Variants in OR5D18 observed in about 807,000 individuals in gnomAD.
OR5D18 encodes olfactory receptor 5D18.
For synonymous variants in OR5D18, 158 were observed against 152.5 expected (o/e 1.04, Z -0.27); for missense variants, 394 against 367.3 (o/e 1.07, Z -0.59).
chr11:55,820,539 G>T lies in OR5D18; in HGVS notation c.910G>T (p.Glu304Ter). The T allele has an allele frequency of 6.2e-7, 1 of 1,610,086 alleles. No homozygotes were observed. Reference protein sequence around the residue: ...RNKDVKDTVTEILDTKVFSY With the variant: ...RNKDVKDTVT ...TAAAGATGTCAAGGATACAGTCACCGAGATACTGGACACCAAAGTCTTCTC... is the reference window on the plus strand; with the variant it reads ...TAAAGATGTCAAGGATACAGTCACCTAGATACTGGACACCAAAGTCTTCTC... Residue 304 changes from glutamate to a stop codon, truncating the protein, a stop_gained, in exon 1 of 1, where the codon GAG (glutamate) becomes TAG (stop). Transcript: ENST00000333976. LOFTEE classifies it low-confidence loss of function (END_TRUNC).
In OR5D18 at chr11:55,819,748, T is replaced by G; in HGVS notation, c.119T>G (p.Val40Gly). 2 of 1,613,748 alleles carry G rather than the reference T, an allele frequency of 1.2e-6. No homozygotes were observed. The highest frequency in any genetic ancestry group is 1.7e-6 in the Non-Finnish European group (2 of 1,179,812). Reference protein sequence around the residue: ...LVFLAIYNVTVLGNIGLIVII... With the variant: ...LVFLAIYNVTGLGNIGLIVII... ...TTTCTGGCCATCTACAATGTCACTG[T>G]GCTAGGGAATATTGGGTTGATTGTG... Residue 40 changes from valine to glycine, a missense_variant, in exon 1 of 1, where the codon GTG becomes GGG. By Grantham distance (109) the Val-to-Gly change is moderately radical. Transcript: ENST00000333976.
rs779733558 is a variant in OR5D18, at chr11:55,819,776, C to T, written c.147C>T (p.Ile49=). Residue 49 remains isoleucine (I), a synonymous_variant, in exon 1 of 1, where the codon ATC becomes ATT. Transcript: ENST00000333976. ...TVLGNIGLIV[I]IKINPKLHTP... is the part of the protein sequence containing the mutation. ...TAGGGAATATTGGGTTGATTGTGAT[C>T]ATCAAAATCAACCCCAAACTGCATA... is the stretch of plus-strand genomic sequence containing the variant. 16 of 1,613,372 alleles carry T rather than the reference C, an allele frequency of 9.9e-6. No individual in the cohort carries two copies. In the East Asian group the frequency reaches 3.6e-4, roughly 36 times the overall value.
Position 55,820,394 on chromosome 11 carries a change from C to T in OR5D18, c.765C>T (p.Thr255=). 1 of 1,613,936 alleles carries T rather than the reference C, an allele frequency of 6.2e-7. No individual in the cohort carries two copies. Among genetic ancestry groups the T allele is most frequent in the Non-Finnish European group, 8.5e-7 (1 of 1,180,026 alleles). ...HLTAITIFHG[T]ILFLYCVPNS... ...CTGCCATCACCATCTTCCATGGCAC[C>T]ATCCTCTTCCTTTACTGTGTGCCCA... is the stretch of plus-strand genomic sequence containing the variant. Residue 255 remains threonine (T), a synonymous_variant, in exon 1 of 1, where the codon ACC becomes ACT. Coordinates refer to ENST00000333976, the MANE Select transcript of OR5D18 (RefSeq NM_001001952.1).
In OR5D18 at chr11:55,819,692, C is replaced by A. The variant is rs1370840080; in HGVS notation, c.63C>A (p.Tyr21Ter). 6.8e-6 allele frequency: 11 copies of A among 1,613,368 alleles called. No individual in the cohort carries two copies. The highest frequency in any genetic ancestry group is 9.3e-6 in the Non-Finnish European group (11 of 1,179,668). ...TTFTLLGFSDYPELQVPLFLV... is the reference protein window; with the variant it reads ...TTFTLLGFSD Reference sequence around the variant, plus strand: ...TCACCCTCTTGGGCTTCTCAGATTACCCAGAACTGCAAGTCCCACTCTTCC... The same window carrying A: ...TCACCCTCTTGGGCTTCTCAGATTAACCAGAACTGCAAGTCCCACTCTTCC... Residue 21 changes from tyrosine (Y) to a stop codon, truncating the protein, a stop_gained, in exon 1 of 1, where the codon TAC (tyrosine) becomes TAA (stop). Transcript: ENST00000333976. LOFTEE classifies it low-confidence loss of function (END_TRUNC).
Position 55,819,705 on chromosome 11 carries a change from G to A in OR5D18, c.76G>A (p.Val26Ile). 6.2e-7 allele frequency: 1 copy of A among 1,613,754 alleles called. No homozygotes were observed. The highest frequency in any genetic ancestry group is 8.5e-7 in the Non-Finnish European group (1 of 1,179,878). Reference sequence around the variant, plus strand: ...CTTCTCAGATTACCCAGAACTGCAAGTCCCACTCTTCCTGGTTTTTCTGGC... The same window carrying A: ...CTTCTCAGATTACCCAGAACTGCAAATCCCACTCTTCCTGGTTTTTCTGGC... ...LGFSDYPELQVPLFLVFLAIY... is the reference protein window; with the variant it reads ...LGFSDYPELQIPLFLVFLAIY... Residue 26 changes from valine (V) to isoleucine (I), a missense_variant, in exon 1 of 1, where the codon GTC (valine) becomes ATC (isoleucine). Transcript: ENST00000333976.
rs116682108 is a variant in OR5D18 at position 55,820,286 on chromosome 11, T to C, written c.657T>C (p.Tyr219=). Residue 219 remains tyrosine, a synonymous_variant, in exon 1 of 1, where the codon TAT becomes TAC. Coordinates refer to ENST00000333976, the MANE Select transcript of OR5D18 (RefSeq NM_001001952.1). ...ISTLLIVLTS[Y]AFIVVTILKM... is the part of the protein sequence containing the mutation. ...CACTACTCATCGTTCTCACATCTTA[T>C]GCGTTCATTGTTGTAACCATCCTCA... 4.8e-4 allele frequency: 767 copies of C among 1,613,980 alleles called. 4 individuals are homozygous for C. The African/African-American group carries it at 9.3e-3, about 20-fold the overall frequency.
In OR5D18 at chr11:55,820,250, T is replaced by C. The variant is rs764990296; in HGVS notation, c.621T>C (p.Asn207=). The part of the protein sequence containing the change: ...QWLLFFLATF[N]EISTLLIVLT... ...TGCTATTCTTTCTTGCCACCTTTAA[T>C]GAAATCAGCACACTACTCATCGTTC... The change falls in exon 1 of 1, where the codon AAT becomes AAC. Residue 207 remains asparagine, a synonymous_variant. Transcript: ENST00000333976. 1 of 1,614,056 alleles carries C rather than the reference T, an allele frequency of 6.2e-7. No individual in the cohort carries two copies. The highest frequency in any genetic ancestry group is 1.1e-5 in the South Asian group (1 of 91,082).
chr11:55,820,393 C>T lies in OR5D18; in HGVS notation c.764C>T (p.Thr255Ile). Reference protein sequence around the residue: ...HLTAITIFHGTILFLYCVPNS... With the variant: ...HLTAITIFHGIILFLYCVPNS... ...ACTGCCATCACCATCTTCCATGGCA[C>T]CATCCTCTTCCTTTACTGTGTGCCC... Residue 255 changes from threonine to isoleucine, a missense_variant, in exon 1 of 1, where the codon ACC (threonine) becomes ATC (isoleucine). Coordinates refer to ENST00000333976, the MANE Select transcript of OR5D18 (RefSeq NM_001001952.1). 3.1e-6 allele frequency: 5 copies of T among 1,614,018 alleles called. No homozygotes were observed. Among genetic ancestry groups the T allele is most frequent in the Non-Finnish European group, 4.2e-6 (5 of 1,180,042 alleles).
chr11:55,820,015 AC>A lies in OR5D18; in HGVS notation c.389del (p.Pro130LeufsTer31), dbSNP rs773424286. ...MAYDRFVAIC[N>X]PLLYTVNMSQ... ...TATGACCGCTTCGTGGCCATTTGCA[AC>A]CCTCTGCTCTACACAGTTAACATGT... On this transcript the variant is annotated frameshift_variant, in exon 1 of 1. Coordinates refer to ENST00000333976, the MANE Select transcript of OR5D18 (RefSeq NM_001001952.1). LOFTEE classifies it low-confidence loss of function (END_TRUNC). The A allele has an allele frequency of 6.2e-7, 1 of 1,613,382 alleles. No homozygotes were observed. Among genetic ancestry groups the A allele is most frequent in the South Asian group, 1.1e-5 (1 of 91,024 alleles).
In OR5D18 at chr11:55,820,116, T is replaced by C. The variant is rs1853814784; in HGVS notation, c.487T>C (p.Ser163Pro). ...GVSCSLELTC[S>P]ALKLCFHGFN... ...CTCATGTTCCTTGGAACTGACGTGC[T>C]CTGCTTTAAAGTTATGTTTTCATGG... Residue 163 changes from serine to proline, a missense_variant, in exon 1 of 1, where the codon TCT becomes CCT. Coordinates refer to ENST00000333976, the MANE Select transcript of OR5D18 (RefSeq NM_001001952.1). 1.9e-6 allele frequency: 3 copies of C among 1,613,950 alleles called. No individual in the cohort carries two copies. Among genetic ancestry groups the C allele is most frequent in the Non-Finnish European group, 2.5e-6 (3 of 1,180,014 alleles).
At position 55,819,746 on chromosome 11, in the gene OR5D18, T is replaced by G. The variant is rs753709618; in HGVS notation, c.117T>G (p.Thr39=). ...FLVFLAIYNV[T]VLGNIGLIVI... is the part of the protein sequence containing the mutation. ...TTTTTCTGGCCATCTACAATGTCAC[T>G]GTGCTAGGGAATATTGGGTTGATTG... is the stretch of plus-strand genomic sequence containing the variant. Residue 39 remains threonine, a synonymous_variant, in exon 1 of 1, where the codon ACT becomes ACG. Coordinates refer to ENST00000333976, the MANE Select transcript of OR5D18 (RefSeq NM_001001952.1). 1.2e-6 allele frequency: 2 copies of G among 1,613,678 alleles called. No homozygotes were observed.
rs377604728 is a variant in OR5D18 at position 55,819,720 on chromosome 11, G to C, written c.91G>C (p.Val31Leu). The C allele has an allele frequency of 1.9e-6, 3 of 1,613,804 alleles. No homozygotes were observed. Among genetic ancestry groups the C allele is most frequent in the South Asian group, 1.1e-5 (1 of 91,074 alleles). Residue 31 changes from valine (V) to leucine (L), a missense_variant, in exon 1 of 1, where the codon GTT becomes CTT. By Grantham distance (32) the Val-to-Leu change is conservative (BLOSUM62 1). Transcript: ENST00000333976. ...YPELQVPLFL[V>L]FLAIYNVTVL... The stretch of plus-strand genomic sequence containing the variant: ...AGAACTGCAAGTCCCACTCTTCCTG[G>C]TTTTTCTGGCCATCTACAATGTCAC...
At position 55,820,324 on chromosome 11, in the gene OR5D18, T is replaced by C; in HGVS notation, c.695T>C (p.Val232Ala). The C allele has an allele frequency of 6.2e-7, 1 of 1,613,970 alleles. No homozygotes were observed. The highest frequency in any genetic ancestry group is 8.5e-7 in the Non-Finnish European group (1 of 1,180,030). ...GTAACCATCCTCAAGATGCGTTCAGTCAGTGGGCGCCGCAAAGCCTTCTCC... is the reference window on the plus strand; with the variant it reads ...GTAACCATCCTCAAGATGCGTTCAGCCAGTGGGCGCCGCAAAGCCTTCTCC... ...IVVTILKMRS[V>A]SGRRKAFSTC... The change falls in exon 1 of 1, where the codon GTC (valine) becomes GCC (alanine). Residue 232 changes from valine (V) to alanine (A), a missense_variant. Coordinates refer to ENST00000333976, the MANE Select transcript of OR5D18 (RefSeq NM_001001952.1).
rs1853815244 is a variant in OR5D18 at position 55,820,149 on chromosome 11, A to G, written c.520A>G (p.Thr174Ala). Residue 174 changes from threonine (T) to alanine (A), a missense_variant, in exon 1 of 1, where the codon ACA becomes GCA. Transcript: ENST00000333976. Reference protein sequence around the residue: ...ALKLCFHGFNTINHFFCEFSS... With the variant: ...ALKLCFHGFNAINHFFCEFSS... ...AAAGTTATGTTTTCATGGTTTCAAC[A>G]CAATCAATCACTTCTTCTGTGAGTT... 6.2e-7 allele frequency: 1 copy of G among 1,613,962 alleles called. No individual in the cohort carries two copies. Among genetic ancestry groups the G allele is most frequent in the South Asian group, 1.1e-5 (1 of 91,084 alleles).
chr11:55,819,658 G>A lies in OR5D18; in HGVS notation c.29G>A (p.Gly10Glu). The change falls in exon 1 of 1, where the codon GGG becomes GAG. Residue 10 changes from glycine to glutamate, a missense_variant. Gly to Glu is a moderately conservative substitution (Grantham distance 98, BLOSUM62 -2). Transcript: ENST00000333976. ...CTGCTGACTGATAGAAATACAAGTG[G>A]GACCACGTTCACCCTCTTGGGCTTC... Reference protein sequence around the residue: MLLTDRNTSGTTFTLLGFSD... With the variant: MLLTDRNTSETTFTLLGFSD... 2 of 1,603,694 alleles carry A rather than the reference G, an allele frequency of 1.2e-6. No individual in the cohort carries two copies. Among genetic ancestry groups the A allele is most frequent in the Non-Finnish European group, 1.7e-6 (2 of 1,174,780 alleles).
In OR5D18 at chr11:55,819,966, T is replaced by A. The variant is rs371416142; in HGVS notation, c.337T>A (p.Ser113Thr). ...FFFCTFVVTE[S>T]FLLAVMAYDR... ...CTTCTGTACCTTTGTGGTCACTGAA[T>A]CCTTTTTATTAGCTGTGATGGCCTA... is the stretch of plus-strand genomic sequence containing the variant. The change falls in exon 1 of 1, where the codon TCC (serine) becomes ACC (threonine). Residue 113 changes from serine (S) to threonine (T), a missense_variant. Transcript: ENST00000333976. 3.7e-6 allele frequency: 6 copies of A among 1,613,846 alleles called. No individual in the cohort carries two copies. Among genetic ancestry groups the A allele is most frequent in the Non-Finnish European group, 5.1e-6 (6 of 1,179,992 alleles).
rs1418506670 is a variant in OR5D18, at chr11:55,819,707, C to T, written c.78C>T (p.Val26=). Residue 26 remains valine (V), a synonymous_variant, in exon 1 of 1, where the codon GTC becomes GTT. Transcript: ENST00000333976. ...LGFSDYPELQ[V]PLFLVFLAIY... Reference sequence around the variant, plus strand: ...TCTCAGATTACCCAGAACTGCAAGTCCCACTCTTCCTGGTTTTTCTGGCCA... The same window carrying T: ...TCTCAGATTACCCAGAACTGCAAGTTCCACTCTTCCTGGTTTTTCTGGCCA... 5 of 1,613,580 alleles carry T rather than the reference C, an allele frequency of 3.1e-6. No homozygotes were observed. The highest frequency in any genetic ancestry group is 1.7e-5 in the Admixed American group (1 of 60,010).
In OR5D18 at chr11:55,820,012, G is replaced by A; in HGVS notation, c.383G>A (p.Cys128Tyr). 3 of 1,613,724 alleles carry A rather than the reference G, an allele frequency of 1.9e-6. No individual in the cohort carries two copies. The highest frequency in any genetic ancestry group is 2.5e-6 in the Non-Finnish European group (3 of 1,179,968). ...GCCTATGACCGCTTCGTGGCCATTTGCAACCCTCTGCTCTACACAGTTAAC... is the reference window on the plus strand; with the variant it reads ...GCCTATGACCGCTTCGTGGCCATTTACAACCCTCTGCTCTACACAGTTAAC... ...VMAYDRFVAI[C>Y]NPLLYTVNMS... Residue 128 changes from cysteine to tyrosine, a missense_variant, in exon 1 of 1, where the codon TGC becomes TAC. Physicochemically the swap from Cys to Tyr is radical, Grantham distance 194 (BLOSUM62 -2). Coordinates refer to ENST00000333976, the MANE Select transcript of OR5D18 (RefSeq NM_001001952.1).
In OR5D18 at chr11:55,820,093, C is replaced by T. The variant is rs1239546567; in HGVS notation, c.464C>T (p.Ser155Leu). The change falls in exon 1 of 1, where the codon TCA becomes TTA. Residue 155 changes from serine (S) to leucine (L), a missense_variant. Physicochemically the swap from Ser to Leu is moderately radical, Grantham distance 145 (BLOSUM62 -2). Coordinates refer to ENST00000333976, the MANE Select transcript of OR5D18 (RefSeq NM_001001952.1). ...LVVGSYAWGVSCSLELTCSAL... is the reference protein window; with the variant it reads ...LVVGSYAWGVLCSLELTCSAL... ...GTGGGATCCTATGCCTGGGGAGTCT[C>T]ATGTTCCTTGGAACTGACGTGCTCT... 1 of 1,613,940 alleles carries T rather than the reference C, an allele frequency of 6.2e-7. No individual in the cohort carries two copies. The highest frequency in any genetic ancestry group is 8.5e-7 in the Non-Finnish European group (1 of 1,180,004).
Sources: gnomAD v4.1 joint callset for allele counts on GRCh38, gnomAD v4.1.1 for gene constraint, MANE v1.5 for transcripts, NCBI Gene and HGNC (gene_info 2026-07-23, HGNC 2026-07-21) for gene names.